The following SEC14L5 variants were observed in gnomAD, a reference collection of about 807,000 sequenced individuals.
The protein encoded by SEC14L5 is SEC14-like protein 5.
A neutral mutation model predicts 84.6 loss-of-function variants in SEC14L5; 96 were observed. That is an observed-to-expected ratio of 1.13 (90% CI 0.96 to 1.34). SEC14L5 has a LOEUF of 1.34. Among genes scored for constraint, SEC14L5 ranks in the 40% most tolerant of loss-of-function variants. The probability of loss-of-function intolerance (pLI) is 0.00; values close to 1 mark genes in which losing one functional copy is unlikely to be tolerated. For missense variants in SEC14L5, 1,224 were observed against 942.5 expected, an observed-to-expected ratio of 1.30 and a Z score of -3.91; for synonymous variants, 546 against 383.4, an observed-to-expected ratio of 1.42 and a Z score of -4.95.
intron 6 of SEC14L5, among the ~76,000 whole-genome samples, chr16:4,994,648 T>G (rs11647819): frequency 0.23 from 35,359 of 152,064 alleles, 4,965 homozygotes; most frequent in Non-Finnish European, 0.29. Flanking sequence ...CTGCACCGAC[T>G]GTGTGTGCTG....
chr16:4,975,675 T>C (rs1453406444), intron 2 of SEC14L5, among the ~76,000 whole-genome samples: 2 of 152,164 alleles, frequency 1.3e-5, no homozygotes, highest in Non-Finnish European at 2.9e-5. Flanking sequence ...TCTTTTCCTT[T>C]GGGTAGATAC....
chr16:4,987,703 G>T lies in SEC14L5; in HGVS notation c.210G>T (p.Arg70=). ...GCGTGGACGCCCCGCGGCTGCTGCG[G>T]AAGGTGGGCGGCCCTGGGGCTGGGG... is the stretch of plus-strand genomic sequence containing the variant. ...RLRVDAPRLL[R]KIAGVEHVVF... is the part of the protein sequence containing the mutation. The change falls in exon 3 of 16, where the codon CGG becomes CGT. Residue 70 remains arginine (R), a synonymous_variant. Transcript: ENST00000251170. The T allele has an allele frequency of 6.6e-7, 1 of 1,517,494 alleles. No homozygotes were observed. Among genetic ancestry groups the T allele is most frequent in the Admixed American group, 2.1e-5 (1 of 48,408 alleles). 94.0% of individuals were successfully genotyped at this position (1,517,494 alleles called of 1,614,324 possible). A position where few individuals can be genotyped will look rare whatever the true frequency, so the allele number is the denominator to read the frequency against.
chr16:4,960,381 A>AC (rs1955108212), intron 2 of SEC14L5, among the ~76,000 whole-genome samples: 1 of 151,252 alleles, frequency 6.6e-6, no homozygotes, highest in African/African-American at 2.4e-5. Context: ...ATTAGCATCC[A>AC]CCCCCATCTG....
In SEC14L5 at chr16:5,003,543, C is replaced by T. The variant is rs1177866457; in HGVS notation, c.1272C>T (p.Ala424=). 6 of 1,611,538 alleles carry T rather than the reference C, an allele frequency of 3.7e-6. No homozygotes were observed. The highest frequency in any genetic ancestry group is 5.1e-6 in the Non-Finnish European group (6 of 1,179,356). The change falls in exon 11 of 16, where the codon GCC becomes GCT. Residue 424 remains alanine, a synonymous_variant. Transcript: ENST00000251170. ...ETLGRLLIVR[A]PRVFPVLWTL... Reference sequence around the variant, plus strand: ...TGGGTCGGCTGCTCATCGTGCGAGCCCCCCGAGTCTTCCCCGTGCTCTGGA... The same window carrying T: ...TGGGTCGGCTGCTCATCGTGCGAGCTCCCCGAGTCTTCCCCGTGCTCTGGA...
intron 2 of SEC14L5, among the ~76,000 whole-genome samples, chr16:4,978,016 T>C (rs921913789): frequency 5.0e-4 from 75 of 148,966 alleles, no homozygotes; most frequent in African/African-American, 1.8e-3. Context: ...TGTCCAGGCT[T>C]GTCTTGAACT....
chr16:5,009,510 GA>G (rs1955775393), intron 14 of SEC14L5, among the ~76,000 whole-genome samples: 1 of 151,964 alleles, frequency 6.6e-6, no homozygotes, highest in African/African-American at 2.4e-5. Flanking sequence ...TTTTTGTAGA[GA>G]TGGGGTCTTG....
At chr16:4,998,033 T>C (rs1955630747) in intron 8 of SEC14L5, among the ~76,000 whole-genome samples, 1 of 146,778 alleles carries the variant, frequency 6.8e-6, no homozygotes, top group African/African-American at 2.5e-5. Context: ...AGACAGAGTC[T>C]GGCTCTGTCA....
At chr16:4,979,362 G>A (rs992501612) in intron 2 of SEC14L5, among the ~76,000 whole-genome samples, 3 of 152,202 alleles carry the variant, frequency 2.0e-5, no homozygotes, top group Non-Finnish European at 2.9e-5. Flanking sequence ...CAAGCTGTGC[G>A]ACTATGGGCA....
At chr16:4,994,935 T>C (rs1348732315) in intron 6 of SEC14L5, among the ~76,000 whole-genome samples, 2 of 152,156 alleles carry the variant, frequency 1.3e-5, no homozygotes, top group Non-Finnish European at 2.9e-5. Flanking sequence ...GCCGGAAGGA[T>C]GCTGGGAGCT....
At position 5,015,125 on chromosome 16, in the gene SEC14L5, T is replaced by C; in HGVS notation, c.*155T>C. 1.6e-6 allele frequency: 1 copy of C among 620,008 alleles called. No individual in the cohort carries two copies. The highest frequency in any genetic ancestry group is 2.8e-6 in the Non-Finnish European group (1 of 354,134). 38.4% of individuals were successfully genotyped at this position (620,008 alleles called of 1,614,324 possible). A position where few individuals can be genotyped will look rare whatever the true frequency, so the allele number is the denominator to read the frequency against. ...GGGTGTCTGGAGCGGATGGCAAGGA[T>C]CCAGAACTGGCCTGTGGGTGGTGTC... On this transcript the variant is annotated 3_prime_UTR_variant, in exon 16 of 16. Transcript: ENST00000251170.
At chr16:4,996,636 T>A (rs977851071) in intron 7 of SEC14L5, among the ~76,000 whole-genome samples, 176 bp downstream of exon 7, 1 of 152,090 alleles carries the variant, frequency 6.6e-6, no homozygotes, top group African/African-American at 2.4e-5. Context: ...CAGGCAGTGG[T>A]GTGATCCTCA....
chr16:5,016,166 T>TGCCC lies in SEC14L5; in HGVS notation c.*1196_*1197insGCCC, dbSNP rs1567133122. On this transcript the variant is annotated 3_prime_UTR_variant, in exon 16 of 16. Transcript: ENST00000251170. ...CCCCCGCGAGTGGAGGCTGCTGTGT[T>TGCCC]TGCCCTGGGGCAGATATGACTCTGG... 9 of 152,164 alleles carry TGCCC rather than the reference T, an allele frequency of 5.9e-5. No homozygotes were observed. Among genetic ancestry groups the TGCCC allele is most frequent in the Non-Finnish European group, 1.2e-4 (8 of 68,056 alleles). 9.4% of individuals were successfully genotyped at this position (152,164 alleles called of 1,614,324 possible).
At chr16:4,992,151 G>A (rs1955559929) in intron 6 of SEC14L5, 121 bp downstream of exon 6, 2 of 652,750 alleles carry the variant, frequency 3.1e-6, no homozygotes, top group African/African-American at 1.9e-5. Flanking sequence ...AATGGGTCTG[G>A]GTCTTGGAAC....
At chr16:4,982,479 G>A (rs1955436414) in intron 2 of SEC14L5, among the ~76,000 whole-genome samples, 1 of 148,708 alleles carries the variant, frequency 6.7e-6, no homozygotes, top group Non-Finnish European at 1.5e-5. Flanking sequence ...GGGCTTGGGG[G>A]CCCCTCAAGC....
intron 2 of SEC14L5, among the ~76,000 whole-genome samples, chr16:4,963,506 T>G (rs1295879201): frequency 6.6e-6 from 1 of 152,160 alleles, no homozygotes; most frequent in Non-Finnish European, 1.5e-5. Flanking sequence ...CTACCACACT[T>G]GACTAATTTT....
intron 8 of SEC14L5, among the ~76,000 whole-genome samples, chr16:4,998,654 C>A (rs978837397): frequency 7.4e-6 from 1 of 134,330 alleles, no homozygotes; most frequent in African/African-American, 2.8e-5. Flanking sequence ...AGGAGAATGG[C>A]GTGAACCCGG....
chr16:4,972,058 T>A (rs1596616654), intron 2 of SEC14L5, among the ~76,000 whole-genome samples: 1 of 150,418 alleles, frequency 6.6e-6, no homozygotes, highest in African/African-American at 2.5e-5. Flanking sequence ...CGGGCTGGAG[T>A]GCAGTGGTGC....
chr16:5,006,304 C>T (rs1955731631), intron 12 of SEC14L5, among the ~76,000 whole-genome samples: 1 of 152,228 alleles, frequency 6.6e-6, no homozygotes, highest in Admixed American at 6.5e-5. Context: ...ATAGAAGTTT[C>T]TGGAAGCCTA....
rs114314472 is a variant in SEC14L5, at chr16:4,971,376, T to C, written c.63+11990T>C. Among the ~76,000 whole-genome samples the C allele has an allele frequency of 4.4e-3, 669 of 151,802 alleles. 6 individuals are homozygous for C. Among genetic ancestry groups the C allele is most frequent in the African/African-American group, 0.016 (642 of 41,384 alleles). On this transcript the variant is annotated intron_variant, in intron 2 of 15. Transcript: ENST00000251170. ...TGGGAGGCTGAGGCAGGAGGATCAG[T>C]GGAGGCCAGGAGGTCGAGGCTGCAG...
Sources: gnomAD v4.1 joint callset for allele counts (sites outside exome capture counted in the v4.1 genomes callset) on GRCh38, gnomAD v4.1.1 for gene constraint, MANE v1.5 for transcripts, NCBI Gene and HGNC (gene_info 2026-07-23, HGNC 2026-07-21) for gene names.